The following CFAP299 variants were observed in gnomAD, a reference collection of about 807,000 sequenced individuals.
CFAP299 encodes the protein cilia- and flagella-associated protein 299.
Under a neutral mutation model 27.0 loss-of-function variants are expected in CFAP299, and 21 were observed. The observed-to-expected ratio is 0.78, with a 90% CI of 0.55 to 1.12. The LOEUF is 1.12. Ranked by LOEUF, CFAP299 falls within the 50% of genes most tolerant of loss-of-function variation. The pLI is 0.00. For missense variants in CFAP299, 310 were observed against 276.6 expected (o/e 1.12, Z -0.86); for synonymous variants, 104 against 98.1 (o/e 1.06, Z -0.36).
Position 80,935,442 on chromosome 4 carries a change from A to AT in CFAP299, c.477-9360dup, listed in dbSNP as rs572873241. On this transcript the variant is annotated intron_variant, in intron 4 of 5. Transcript: ENST00000358105. ...GACTATCTTATCTTTGACAAATATG[A>AT]TTTTTTTTAAAAAAAGCAAGCAATG... Among the ~76,000 whole-genome samples the AT allele has an allele frequency of 4.8e-3, 723 of 151,684 alleles. 3 individuals are homozygous for AT. Among genetic ancestry groups the AT allele is most frequent in the Middle Eastern group, 0.014 (4 of 292 alleles).
chr4:80,600,587 C>T (rs1737288380), intron 3 of CFAP299, among the ~76,000 whole-genome samples: 1 of 151,996 alleles, frequency 6.6e-6, no homozygotes, highest in Non-Finnish European at 1.5e-5. Flanking sequence ...TAAAAAGTGG[C>T]AAAATTAAGA....
intron 2 of CFAP299, among the ~76,000 whole-genome samples, chr4:80,428,984 T>C (rs1162341991): frequency 6.6e-6 from 1 of 152,210 alleles, no homozygotes; most frequent in African/African-American, 2.4e-5. Flanking sequence ...TTGGCAAGAT[T>C]TTTAGAAAGA....
intron 3 of CFAP299, among the ~76,000 whole-genome samples, chr4:80,653,342 C>T (rs1740402267): frequency 6.6e-6 from 1 of 152,080 alleles, no homozygotes; most frequent in African/African-American, 2.4e-5. Context: ...TCCTTTTCTC[C>T]ATCCCTCTGT....
chr4:80,767,126 A>G (rs1334175625), intron 3 of CFAP299, among the ~76,000 whole-genome samples: 1 of 152,124 alleles, frequency 6.6e-6, no homozygotes, highest in Non-Finnish European at 1.5e-5. Flanking sequence ...CATACAAAAT[A>G]CATACATTGT....
intron 3 of CFAP299, among the ~76,000 whole-genome samples, chr4:80,851,088 A>G (rs1731495303): frequency 6.6e-6 from 1 of 152,080 alleles, no homozygotes; most frequent in Non-Finnish European, 1.5e-5. Flanking sequence ...AGTAGACAGT[A>G]ACACAGACAA....
At chr4:80,525,482 C>T (rs2110180045) in intron 2 of CFAP299, among the ~76,000 whole-genome samples, 1 of 152,262 alleles carries the variant, frequency 6.6e-6, no homozygotes, top group East Asian at 1.9e-4. Context: ...TCTGTATCTA[C>T]TCTGGCCATT....
chr4:80,891,165 G>GTTT (rs1734253970), intron 4 of CFAP299, among the ~76,000 whole-genome samples: 1 of 149,052 alleles, frequency 6.7e-6, no homozygotes, highest in East Asian at 2.0e-4. Context: ...TAATGCCTAG[G>GTTT]TTTTCTTCTA....
At chr4:80,846,441 T>C (rs1031277906) in intron 3 of CFAP299, among the ~76,000 whole-genome samples, 15 of 152,176 alleles carry the variant, frequency 9.9e-5, no homozygotes, top group Non-Finnish European at 4.4e-5. Flanking sequence ...TCTCATTAGG[T>C]ATCCTTGAAT....
At chr4:80,323,578 A>G in the CFAP299 span, among the ~76,000 whole-genome samples, 8 of 152,330 alleles carry the variant, frequency 5.3e-5, no homozygotes, top group Admixed American at 5.2e-4. Flanking sequence ...CATAAAAAGT[A>G]CATTAGCCCT....
At chr4:80,387,832 A>G in intron 2 of CFAP299, 1 of 1,462,304 alleles carries the variant, frequency 6.8e-7, no homozygotes, top group Non-Finnish European at 9.6e-7. Context: ...AGCTTCCAGG[A>G]GTCCCCTGGT....
intron 2 of CFAP299, among the ~76,000 whole-genome samples, chr4:80,558,013 A>AT (rs1240728822): frequency 2.7e-5 from 4 of 150,122 alleles, no homozygotes; most frequent in African/African-American, 9.8e-5. Flanking sequence ...AATCACTAGA[A>AT]AGCCTCACAT....
chr4:80,543,039 A>T (rs2110200885), intron 2 of CFAP299, among the ~76,000 whole-genome samples: 1 of 152,278 alleles, frequency 6.6e-6, no homozygotes. Context: ...ACCAGGGGAC[A>T]AAGTTACAGA....
At chr4:80,558,043 C>T (rs535448880) in intron 2 of CFAP299, among the ~76,000 whole-genome samples, 9 of 152,180 alleles carry the variant, frequency 5.9e-5, no homozygotes, top group East Asian at 1.9e-4. Flanking sequence ...CTACTTACTC[C>T]AAGTGAATGT....
At chr4:80,505,541 T>C (rs1197535270) in intron 2 of CFAP299, among the ~76,000 whole-genome samples, 1 of 144,526 alleles carries the variant, frequency 6.9e-6, no homozygotes, top group African/African-American at 2.7e-5. Flanking sequence ...AACATTGTTA[T>C]GAATAGCAAT....
chr4:80,793,592 T>G (rs1328118733), intron 3 of CFAP299, among the ~76,000 whole-genome samples: 1 of 152,010 alleles, frequency 6.6e-6, no homozygotes, highest in Non-Finnish European at 1.5e-5. Flanking sequence ...AATAATAAGG[T>G]CATAATTTCA....
intron 3 of CFAP299, among the ~76,000 whole-genome samples, chr4:80,785,017 G>C (rs1727159610): frequency 6.6e-6 from 1 of 151,640 alleles, no homozygotes; most frequent in African/African-American, 2.4e-5. Context: ...TTTGTTGATT[G>C]TTTTCTTTGC....
intron 2 of CFAP299, among the ~76,000 whole-genome samples, chr4:80,412,448 G>T (rs971334382): frequency 6.6e-6 from 1 of 152,060 alleles, no homozygotes; most frequent in Non-Finnish European, 1.5e-5. Context: ...GAGGAATAAC[G>T]CATGAACTCA....
At chr4:80,553,187 G>A (rs975029246) in intron 2 of CFAP299, among the ~76,000 whole-genome samples, 9 of 151,998 alleles carry the variant, frequency 5.9e-5, no homozygotes, top group African/African-American at 2.2e-4. Flanking sequence ...AGTGTCTATT[G>A]TTCCTTTCTT....
chr4:80,766,480 T>C (rs747615217), intron 3 of CFAP299, among the ~76,000 whole-genome samples: 3 of 152,242 alleles, frequency 2.0e-5, no homozygotes, highest in Non-Finnish European at 4.4e-5. Flanking sequence ...TTGTTTCATT[T>C]ATGAGATAGC....
Sources: gnomAD v4.1 joint callset for allele counts (sites outside exome capture counted in the v4.1 genomes callset) on GRCh38, gnomAD v4.1.1 for gene constraint, MANE v1.5 for transcripts, NCBI Gene and HGNC (gene_info 2026-07-23, HGNC 2026-07-21) for gene names.